HERC5: variants seen among roughly 807,000 people sequenced by gnomAD.
HERC5 encodes HECT and RLD domain containing E3 ubiquitin protein ligase 5, also known as E3 ISG15--protein ligase HERC5.
In HERC5, 99 loss-of-function variants were observed where a neutral mutation model predicts 119.6. The ratio of observed to expected loss-of-function variants is 0.83; its 90% CI spans 0.70 to 0.98. The LOEUF is 0.98. Ranked by LOEUF, HERC5 falls within the 50% of genes least tolerant of loss-of-function variation. The probability of loss-of-function intolerance (pLI) is 0.00; values close to 1 mark genes in which losing one functional copy is unlikely to be tolerated. For missense variants in HERC5, 1,267 were observed against 1,241.3 expected (o/e 1.02, Z -0.31); for synonymous variants, 478 against 445.9 (o/e 1.07, Z -0.91).
At position 88,457,139 on chromosome 4, in the gene HERC5, C is replaced by G; in HGVS notation, c.-131C>G. On this transcript the variant is annotated 5_prime_UTR_variant, in exon 1 of 23. Coordinates refer to ENST00000264350, the MANE Select transcript of HERC5 (RefSeq NM_016323.4). ...GGCTCAGTAGCTGAGGCTGCGGTTC[C>G]CCGACGCCACGCAGCTGCGCGCAGC... is the stretch of plus-strand genomic sequence containing the variant. 8.1e-7 allele frequency: 1 copy of G among 1,231,958 alleles called. No homozygotes were observed. The highest frequency in any genetic ancestry group is 1.0e-6 in the Non-Finnish European group (1 of 987,596). 76.3% of individuals were successfully genotyped at this position (1,231,958 alleles called of 1,614,324 possible).
At position 88,471,844 on chromosome 4, in the gene HERC5, G is replaced by C. The variant is rs181491304; in HGVS notation, c.1299-565G>C. On this transcript the variant is annotated intron_variant, in intron 10 of 22. Coordinates refer to ENST00000264350, the MANE Select transcript of HERC5 (RefSeq NM_016323.4). ...TGGGAAAAATGTTTATCTTTTTTCT[G>C]TCTTCCTTCCTTCCTTCCTGTGGTC... is the stretch of plus-strand genomic sequence containing the variant. Among the ~76,000 whole-genome samples, 44 of 151,978 alleles carry C rather than the reference G, an allele frequency of 2.9e-4. 1 individual carries two copies. Among genetic ancestry groups the C allele is most frequent in the Admixed American group, 1.0e-3 (16 of 15,240 alleles).
intron 18 of HERC5, among the ~76,000 whole-genome samples, chr4:88,497,307 C>T (rs1309160031): frequency 6.6e-6 from 1 of 152,120 alleles, no homozygotes; most frequent in Non-Finnish European, 1.5e-5. Flanking sequence ...GAGGAGACCT[C>T]TAGAGAAAGC....
chr4:88,468,217 G>A (rs569571718), intron 7 of HERC5, 129 bp from the exon 8 acceptor site: 2 of 652,186 alleles, frequency 3.1e-6, no homozygotes, highest in South Asian at 4.7e-5. Context: ...GGCAGAAAAT[G>A]TACTAAGTTT....
chr4:88,457,188 G>A lies in HERC5; in HGVS notation c.-82G>A, dbSNP rs1560593582. On this transcript the variant is annotated 5_prime_UTR_variant, in exon 1 of 23. Coordinates refer to ENST00000264350, the MANE Select transcript of HERC5 (RefSeq NM_016323.4). ...GCTGGTTCCCGCTCTGCAGCGCAAC[G>A]CCTGAGGCAGTGGGCGCGCTCAGTC... 5 of 1,241,178 alleles carry A rather than the reference G, an allele frequency of 4.0e-6. No homozygotes were observed. The highest frequency in any genetic ancestry group is 5.0e-6 in the Non-Finnish European group (5 of 991,540). The allele number at this position is 1,241,178 out of a possible 1,614,324, so 76.9% of individuals were successfully genotyped here.
chr4:88,486,282 C>G, intron 14 of HERC5, 54 bp downstream of exon 14: 1 of 1,066,414 alleles, frequency 9.4e-7, no homozygotes, highest in Admixed American at 1.9e-5. Context: ...TTAATACAGG[C>G]ATTTCTTGTC....
chr4:88,466,410 T>C (rs1197338820), intron 6 of HERC5, among the ~76,000 whole-genome samples: 2 of 152,204 alleles, frequency 1.3e-5, no homozygotes, highest in Admixed American at 6.5e-5. Flanking sequence ...TGCTGAGGCA[T>C]GATTGGTTAA....
chr4:88,459,498 A>C, intron 2 of HERC5, 28 bp downstream of exon 2: 3 of 1,317,466 alleles, frequency 2.3e-6, no homozygotes, highest in Non-Finnish European at 3.1e-6. Flanking sequence ...TTTATTAAAA[A>C]TTAATTTTAA....
chr4:88,483,437 G>A (rs536985052), intron 13 of HERC5, among the ~76,000 whole-genome samples: 1 of 151,758 alleles, frequency 6.6e-6, no homozygotes, highest in South Asian at 2.1e-4. Context: ...TGAGCTCCTG[G>A]CCTCAAGTGA....
At chr4:88,494,451 A>G (rs1054944399) in intron 18 of HERC5, 120 bp downstream of exon 18, 2 of 832,556 alleles carry the variant, frequency 2.4e-6, no homozygotes, top group Admixed American at 3.1e-5. Context: ...ACTTTAGACC[A>G]GTTTTAACTT....
chr4:88,476,951 C>T (rs552955595), intron 12 of HERC5, among the ~76,000 whole-genome samples: 2 of 151,076 alleles, frequency 1.3e-5, no homozygotes, highest in South Asian at 4.2e-4. Context: ...CCTGTATTAC[C>T]CTGGCATCAT....
chr4:88,494,421 T>C, intron 18 of HERC5, 90 bp downstream of exon 18: 1 of 1,040,804 alleles, frequency 9.6e-7, no homozygotes, highest in East Asian at 2.8e-5. Context: ...ATTTCCATGT[T>C]CAACAGCAGC....
intron 1 of HERC5, among the ~76,000 whole-genome samples, chr4:88,458,465 GATTT>G (rs1740271535): frequency 6.6e-6 from 1 of 151,884 alleles, no homozygotes; most frequent in South Asian, 2.1e-4. Context: ...AGGGGAGCTA[GATTT>G]ATTTGCTTTT....
At chr4:88,469,297 C>T (rs184099603) in intron 9 of HERC5, 37 bp downstream of exon 9, 57 of 1,358,618 alleles carry the variant, frequency 4.2e-5, no homozygotes, top group Non-Finnish European at 5.6e-5. Flanking sequence ...TTATATATCA[C>T]TCTCAAGTAT....
Position 88,504,239 on chromosome 4 carries a change from T to G in HERC5, c.2590T>G (p.Tyr864Asp), listed in dbSNP as rs866159468. Residue 864 changes from tyrosine (Y) to aspartate (D), a missense_variant, in exon 21 of 23, where the codon TAT becomes GAT. Tyr to Asp is a radical substitution (Grantham distance 160). This residue lies in a region of HERC5 where 473 missense variants were observed against 445.7 expected (regional missense o/e 1.06). Transcript: ENST00000264350. ...ITVNQTNKRD[Y>D]VSKYINYIFN... Reference sequence around the variant, plus strand: ...CATTTTGTTTTATTAAAGGAGAGACTATGTTTCTAAGTATATCAATTACAT... The same window carrying G: ...CATTTTGTTTTATTAAAGGAGAGACGATGTTTCTAAGTATATCAATTACAT... 1 of 1,587,572 alleles carries G rather than the reference T, an allele frequency of 6.3e-7. No individual in the cohort carries two copies. Among genetic ancestry groups the G allele is most frequent in the Middle Eastern group, 1.7e-4 (1 of 5,958 alleles).
At chr4:88,479,220 G>C (rs1578053879) in intron 12 of HERC5, 133 bp from the exon 13 acceptor site, 1 of 527,488 alleles carries the variant, frequency 1.9e-6, no homozygotes, top group East Asian at 3.4e-5. Context: ...GGGAGGCAGA[G>C]GATGTAGTGA....
intron 7 of HERC5, 47 bp downstream of exon 7, chr4:88,467,251 A>G: frequency 6.3e-7 from 1 of 1,577,416 alleles, no homozygotes; most frequent in Non-Finnish European, 8.6e-7. Context: ...CTTTTTAGAG[A>G]AAATGATTTT....
chr4:88,465,191 AG>A (rs1251131930), intron 6 of HERC5, among the ~76,000 whole-genome samples: 1 of 152,230 alleles, frequency 6.6e-6, no homozygotes, highest in Non-Finnish European at 1.5e-5. Context: ...TTGGGATTAC[AG>A]GGGTGAGCCA....
chr4:88,475,938 C>T lies in HERC5; in HGVS notation c.1490C>T (p.Pro497Leu), dbSNP rs780147043. 2 of 1,613,872 alleles carry T rather than the reference C, an allele frequency of 1.2e-6. No individual in the cohort carries two copies. The highest frequency in any genetic ancestry group is 1.7e-6 in the Non-Finnish European group (2 of 1,179,870). ...ATTTTCTTCCTTCTCCCAGAATGTC[C>T]TATGATGCATATTTCCAACAACTGG... Reference protein sequence around the residue: ...LEIFFLLPECPMMHISNNWES... With the variant: ...LEIFFLLPECLMMHISNNWES... Residue 497 changes from proline to leucine, a missense_variant, in exon 12 of 23, where the codon CCT (proline) becomes CTT (leucine). This residue lies in a region of HERC5 where 777 missense variants were observed against 758.0 expected (regional missense o/e 1.03). Transcript: ENST00000264350.
chr4:88,489,085 G>A, intron 15 of HERC5, 81 bp from the exon 16 acceptor site: 1 of 1,187,254 alleles, frequency 8.4e-7, no homozygotes, highest in Non-Finnish European at 1.2e-6. Context: ...AGCAGAACCA[G>A]TTTATTCTGC....
Sources: allele counts gnomAD v4.1 joint callset (sites outside exome capture counted in the v4.1 genomes callset), GRCh38; gene constraint gnomAD v4.1.1; regional missense constraint gnomAD v4.1.1; transcripts MANE v1.5; gene names NCBI Gene and HGNC (gene_info 2026-07-23, HGNC 2026-07-21).